The following NTM variants were observed in gnomAD, a reference collection of about 807,000 sequenced individuals.
NTM encodes the protein neurotrimin.
A neutral mutation model predicts 42.1 loss-of-function variants in NTM; 13 were observed. The observed-to-expected ratio is 0.31, with a 90% CI of 0.20 to 0.49. The LOEUF (loss-of-function observed/expected upper bound fraction) is 0.49. NTM is among the 20% of genes least tolerant of loss of function. NTM has a pLI of 0.99. For missense variants in NTM, 373 were observed against 452.8 expected (o/e 0.82, Z 1.60); for synonymous variants, 187 against 179.2 (o/e 1.04, Z -0.35).
intron 7 of NTM, among the ~76,000 whole-genome samples, chr11:132,316,600 A>G (rs1020562776): frequency 5.3e-5 from 8 of 152,208 alleles, no homozygotes; most frequent in African/African-American, 1.9e-4. Flanking sequence ...TTAACATGCT[A>G]AATCTCTAGG....
At chr11:131,821,720 G>T (rs1455979076) in intron 1 of NTM, among the ~76,000 whole-genome samples, 1 of 152,172 alleles carries the variant, frequency 6.6e-6, no homozygotes, top group Admixed American at 6.5e-5. Context: ...GTGGAGGAAG[G>T]GCTCTGGGGC....
intron 1 of NTM, among the ~76,000 whole-genome samples, chr11:131,533,515 G>A (rs1591963504): frequency 6.6e-6 from 1 of 152,188 alleles, no homozygotes; most frequent in Non-Finnish European, 1.5e-5. Flanking sequence ...GACTCAATCA[G>A]GAAAAGCAAA....
At chr11:131,614,057 C>T (rs1045577412) in intron 1 of NTM, among the ~76,000 whole-genome samples, 1 of 152,228 alleles carries the variant, frequency 6.6e-6, no homozygotes, top group Non-Finnish European at 1.5e-5. Flanking sequence ...CTCTCAATAC[C>T]TGGGTGCACC....
At chr11:131,868,496 T>C (rs567023713) in intron 1 of NTM, among the ~76,000 whole-genome samples, 4 of 152,156 alleles carry the variant, frequency 2.6e-5, no homozygotes, top group Non-Finnish European at 5.9e-5. Flanking sequence ...GACCCTTCAG[T>C]GGGCCGCCAC....
At chr11:131,789,519 AAG>A (rs2090181337) in intron 1 of NTM, among the ~76,000 whole-genome samples, 1 of 21,500 alleles carries the variant, frequency 4.7e-5, no homozygotes, top group African/African-American at 2.6e-4. Flanking sequence ...GAAGAAGAAG[AAG>A]AAGAAGAAGA....
intron 1 of NTM, among the ~76,000 whole-genome samples, chr11:131,682,942 A>G (rs551359159): frequency 1.7e-3 from 265 of 152,248 alleles, no homozygotes; most frequent in African/African-American, 5.8e-3. Flanking sequence ...GATGAGCTGG[A>G]AAAGGCAGGT....
chr11:132,096,792 G>A (rs1338613777), intron 2 of NTM, among the ~76,000 whole-genome samples: 2 of 152,130 alleles, frequency 1.3e-5, no homozygotes, highest in Non-Finnish European at 2.9e-5. Flanking sequence ...AAATCATCAT[G>A]CAGTTTTTGG....
In NTM at chr11:131,500,575, ATATTTTTTT is replaced by A. The variant is rs1463427940; in HGVS notation, c.82+129689_82+129697del. Among the ~76,000 whole-genome samples, 95 of 18,032 alleles carry A rather than the reference ATATTTTTTT, an allele frequency of 5.3e-3. 3 individuals carry two copies. The highest frequency in any genetic ancestry group is 0.023 in the African/African-American group (86 of 3,802). 11.8% of individuals were successfully genotyped at this position (18,032 alleles called of 152,430 possible). On this transcript the variant is annotated intron_variant, in intron 1 of 8. Transcript: ENST00000683400. The stretch of plus-strand genomic sequence containing the variant: ...TATATATATATATATATATATATAT[ATATTTTTTT>A]TTTTTTTTTTTGTATTATACTTTAA...
At chr11:131,637,295 C>G (rs1232718040) in intron 1 of NTM, among the ~76,000 whole-genome samples, 1 of 151,932 alleles carries the variant, frequency 6.6e-6, no homozygotes, top group South Asian at 2.1e-4. Flanking sequence ...GAGAAAGCAA[C>G]TAAATCACAA....
At chr11:132,179,670 A>G (rs764688615) in intron 3 of NTM, among the ~76,000 whole-genome samples, 7 of 152,166 alleles carry the variant, frequency 4.6e-5, no homozygotes, top group Non-Finnish European at 7.3e-5. Context: ...AAGCTGACCC[A>G]CTCTATTATA....
At chr11:131,598,685 T>TCTTTCTTTCTTTC (rs2060035442) in intron 1 of NTM, among the ~76,000 whole-genome samples, 1 of 23,180 alleles carries the variant, frequency 4.3e-5, no homozygotes, top group Non-Finnish European at 1.0e-4. Context: ...CTCATTTGTT[T>TCTTTCTTTCTTTC]TCTTTCTTTC....
chr11:132,325,741 A>G (rs2095665662), intron 7 of NTM, among the ~76,000 whole-genome samples: 1 of 152,230 alleles, frequency 6.6e-6, no homozygotes. Flanking sequence ...GGCACTATTC[A>G]CAATAGCAAA....
At chr11:132,117,432 C>T (rs570295853) in intron 2 of NTM, among the ~76,000 whole-genome samples, 1 of 152,316 alleles carries the variant, frequency 6.6e-6, no homozygotes, top group East Asian at 1.9e-4. Context: ...CCAAGCTAAG[C>T]TTCTGCTGAT....
intron 2 of NTM, among the ~76,000 whole-genome samples, chr11:131,913,085 C>T (rs1225204187): frequency 1.3e-5 from 2 of 152,212 alleles, no homozygotes; most frequent in Non-Finnish European, 2.9e-5. Flanking sequence ...TTCCTTCCCC[C>T]ACTCAGAAAT....
chr11:131,967,204 C>A (rs988523054), intron 2 of NTM, among the ~76,000 whole-genome samples: 1 of 152,106 alleles, frequency 6.6e-6, no homozygotes, highest in Admixed American at 6.5e-5. Context: ...GAGATTTACA[C>A]TGGAGTGGGG....
intron 1 of NTM, among the ~76,000 whole-genome samples, chr11:131,682,770 C>T (rs2073183241): frequency 6.6e-6 from 1 of 152,168 alleles, no homozygotes; most frequent in Non-Finnish European, 1.5e-5. Flanking sequence ...GAAATCAGCT[C>T]CCTCTCGGTG....
intron 1 of NTM, among the ~76,000 whole-genome samples, chr11:131,908,825 G>C (rs1227934584): frequency 6.6e-6 from 1 of 152,182 alleles, no homozygotes; most frequent in Non-Finnish European, 1.5e-5. Context: ...AATCTTCCAA[G>C]AATGGACTAG....
At chr11:131,688,115 G>T (rs55734806) in intron 1 of NTM, among the ~76,000 whole-genome samples, 3 of 152,210 alleles carry the variant, frequency 2.0e-5, no homozygotes, top group Non-Finnish European at 2.9e-5. Flanking sequence ...ACATCTGGAT[G>T]AGGAGCCGCA....
chr11:131,795,625 A>G lies in NTM; in HGVS notation c.83-115939A>G, dbSNP rs79107489. ...CAGAGTCATGGGAGACCCTTGTAGG[A>G]GCTTGATTCCCATGTAGGCCAGTAC... On this transcript the variant is annotated intron_variant, in intron 1 of 8. Transcript: ENST00000683400. The G allele has an allele frequency of 6.3e-4, 618 of 985,362 alleles. 7 individuals carry two copies. The African/African-American group carries it at 1.0e-2, about 16-fold the overall frequency. The allele number at this position is 985,362 out of a possible 1,614,324, so 61.0% of individuals were successfully genotyped here. A position where few individuals can be genotyped will look rare whatever the true frequency, so the allele number is the denominator to read the frequency against.
Sources: allele counts gnomAD v4.1 joint callset (sites outside exome capture counted in the v4.1 genomes callset), GRCh38; gene constraint gnomAD v4.1.1; transcripts MANE v1.5; gene names NCBI Gene and HGNC (gene_info 2026-07-23, HGNC 2026-07-21).